Variants in LRRTM4 observed in about 807,000 individuals in gnomAD.
The protein encoded by LRRTM4 is leucine rich repeat transmembrane neuronal 4.
Under a neutral mutation model 47.6 loss-of-function variants are expected in LRRTM4, and 25 were observed. The ratio of observed to expected loss-of-function variants is 0.53; its 90% CI spans 0.38 to 0.73. LRRTM4 has a LOEUF of 0.73. Ranked by LOEUF, LRRTM4 falls within the 30% of genes least tolerant of loss-of-function variation. The pLI is 0.00. For synonymous variants in LRRTM4, 311 were observed against 269.5 expected, an observed-to-expected ratio of 1.15 and a Z score of -1.51; for missense variants, 638 against 713.4, an observed-to-expected ratio of 0.89 and a Z score of 1.20.
At chr2:77,031,762 AGC>A (rs1257236984) in intron 3 of LRRTM4, among the ~76,000 whole-genome samples, 7 of 152,040 alleles carry the variant, frequency 4.6e-5, no homozygotes, top group African/African-American at 1.7e-4. Context: ...ACAGAGAGAG[AGC>A]GCGCACAATA....
intron 1 of LRRTM4, 35 bp from the exon 2 acceptor site, chr2:77,521,853 A>T (rs4494776): frequency 0.037 from 14,268 of 381,076 alleles, 920 homozygotes; most frequent in Admixed American, 0.17. Context: ...AAAAAAAAAA[A>T]AATACATATA....
intron 3 of LRRTM4, among the ~76,000 whole-genome samples, chr2:76,957,346 C>T (rs1675708134): frequency 6.6e-6 from 1 of 151,548 alleles, no homozygotes; most frequent in Non-Finnish European, 1.5e-5. Flanking sequence ...CAACAAAGTG[C>T]ATATAGTTAA....
intron 3 of LRRTM4, among the ~76,000 whole-genome samples, chr2:77,083,039 T>C (rs1639793210): frequency 6.6e-6 from 1 of 152,182 alleles, no homozygotes; most frequent in African/African-American, 2.4e-5. Flanking sequence ...AATATATCAG[T>C]ATACACTTCT....
intron 3 of LRRTM4, among the ~76,000 whole-genome samples, chr2:77,039,374 G>C (rs1158480419): frequency 2.7e-5 from 4 of 150,388 alleles, no homozygotes; most frequent in South Asian, 2.1e-4. Context: ...TATGAACAGA[G>C]ATACAGGTAT....
chr2:76,931,905 T>G (rs191636282), intron 3 of LRRTM4, among the ~76,000 whole-genome samples: 1 of 152,040 alleles, frequency 6.6e-6, no homozygotes, highest in Non-Finnish European at 1.5e-5. Flanking sequence ...ATAGAGTGCA[T>G]TAAGTTGAGA....
chr2:77,471,332 C>G (rs189417669), intron 3 of LRRTM4, among the ~76,000 whole-genome samples: 1 of 152,238 alleles, frequency 6.6e-6, no homozygotes, highest in African/African-American at 2.4e-5. Flanking sequence ...TGACTACTAA[C>G]CATCCTGGCT....
intron 3 of LRRTM4, among the ~76,000 whole-genome samples, chr2:77,266,217 T>C (rs1249388630): frequency 6.6e-6 from 1 of 152,176 alleles, no homozygotes; most frequent in African/African-American, 2.4e-5. Context: ...CTGATCTAGA[T>C]GTAAAGGAAG....
At chr2:76,770,251 A>G (rs1040465316) in intron 3 of LRRTM4, among the ~76,000 whole-genome samples, 8 of 152,324 alleles carry the variant, frequency 5.3e-5, no homozygotes, top group South Asian at 2.1e-4. Flanking sequence ...ATTTTCTGCA[A>G]TGTCATAAAT....
intron 3 of LRRTM4, among the ~76,000 whole-genome samples, chr2:76,831,827 T>C (rs1671360523): frequency 6.6e-6 from 1 of 152,090 alleles, no homozygotes; most frequent in African/African-American, 2.4e-5. Context: ...AAAAATTGTA[T>C]GTTTATATTT....
intron 3 of LRRTM4, among the ~76,000 whole-genome samples, chr2:76,909,004 A>G (rs570538858): frequency 1.4e-4 from 21 of 152,342 alleles, no homozygotes; most frequent in African/African-American, 5.1e-4. Flanking sequence ...TTTAAAGTTC[A>G]CATGGAAGCA....
At position 77,310,802 on chromosome 2, in the gene LRRTM4, C is replaced by T. The variant is rs114325062; in HGVS notation, c.1551+207516G>A. 7.8e-3 allele frequency among the ~76,000 whole-genome samples: 1,183 copies of T among 152,164 alleles called. 12 individuals carry two copies. The highest frequency in any genetic ancestry group is 0.027 in the African/African-American group (1,132 of 41,506). ...ATGATTTTTTAAATAATACTGAGCA[C>T]TGCAGCACTGGTAATAATAATCACA... On this transcript the variant is annotated intron_variant, in intron 3 of 3. Transcript: ENST00000409884.
intron 3 of LRRTM4, among the ~76,000 whole-genome samples, chr2:77,340,636 G>C (rs1052827034): frequency 6.6e-6 from 1 of 151,904 alleles, no homozygotes; most frequent in Admixed American, 6.6e-5. Context: ...TTATGAGCCA[G>C]GAATTCAAGT....
chr2:77,323,669 T>A lies in LRRTM4; in HGVS notation c.1551+194649A>T, dbSNP rs187569177. 2.2e-3 allele frequency among the ~76,000 whole-genome samples: 332 copies of A among 152,138 alleles called. 2 individuals are homozygous for A. The highest frequency in any genetic ancestry group is 7.4e-3 in the African/African-American group (309 of 41,494). Reference sequence around the variant, plus strand: ...AGCTAAGGAAACAGATTTGGAGAGGTTAAATGGCTTACTTAAGATCACACA... The same window carrying A: ...AGCTAAGGAAACAGATTTGGAGAGGATAAATGGCTTACTTAAGATCACACA... On this transcript the variant is annotated intron_variant, in intron 3 of 3. Coordinates refer to ENST00000409884, the MANE Select transcript of LRRTM4 (RefSeq NM_001134745.3).
chr2:77,047,376 T>A (rs1044158528), intron 3 of LRRTM4, among the ~76,000 whole-genome samples: 2 of 152,000 alleles, frequency 1.3e-5, no homozygotes, highest in Non-Finnish European at 2.9e-5. Flanking sequence ...CTGAGTGGCT[T>A]AAATAACAGA....
intron 3 of LRRTM4, among the ~76,000 whole-genome samples, chr2:77,380,588 G>T (rs1673012320): frequency 6.6e-6 from 1 of 152,062 alleles, no homozygotes; most frequent in Admixed American, 6.6e-5. Flanking sequence ...CTTGAGGTCA[G>T]GAGTTCGAGA....
intron 3 of LRRTM4, among the ~76,000 whole-genome samples, chr2:76,816,148 C>G (rs1485068993): frequency 6.6e-6 from 1 of 152,012 alleles, no homozygotes; most frequent in Non-Finnish European, 1.5e-5. Flanking sequence ...TTGCTGGTAT[C>G]AGACAGAATC....
chr2:77,471,035 T>C (rs2103992658), intron 3 of LRRTM4, among the ~76,000 whole-genome samples: 1 of 152,272 alleles, frequency 6.6e-6, no homozygotes, highest in African/African-American at 2.4e-5. Flanking sequence ...ACTTCTGATG[T>C]CTATGTATCT....
intron 3 of LRRTM4, among the ~76,000 whole-genome samples, chr2:76,982,010 A>G (rs1186377794): frequency 6.6e-6 from 1 of 152,050 alleles, no homozygotes; most frequent in African/African-American, 2.4e-5. Context: ...GGGGGCTTAT[A>G]ACAACTTAAA....
chr2:76,932,605 A>T (rs1302874997), intron 3 of LRRTM4, among the ~76,000 whole-genome samples: 2 of 152,068 alleles, frequency 1.3e-5, no homozygotes, highest in African/African-American at 4.8e-5. Flanking sequence ...GTAAATAGAA[A>T]AATATTTTCT....
Sources: allele counts gnomAD v4.1 joint callset (sites outside exome capture counted in the v4.1 genomes callset), GRCh38; gene constraint gnomAD v4.1.1; transcripts MANE v1.5; gene names NCBI Gene and HGNC (gene_info 2026-07-23, HGNC 2026-07-21).